Variants in LNP1 observed in about 807,000 individuals in gnomAD.
The protein encoded by LNP1 is leukemia NUP98 fusion partner 1.
In LNP1, 12 loss-of-function variants were observed where a neutral mutation model predicts 14.5. That is an observed-to-expected ratio of 0.83 (90% CI 0.53 to 1.34). The LOEUF (loss-of-function observed/expected upper bound fraction) is 1.34. LNP1 is among the 40% of genes most tolerant of loss of function. LNP1 has a pLI of 0.00. For synonymous variants in LNP1, 75 were observed against 71.4 expected (o/e 1.05, Z -0.26); for missense variants, 198 against 210.9 (o/e 0.94, Z 0.38).
intron 1 of LNP1, among the ~76,000 whole-genome samples, chr3:100,409,890 C>G (rs1336881038): frequency 1.3e-5 from 2 of 151,858 alleles, no homozygotes; most frequent in Admixed American, 1.3e-4. Context: ...CCACCACACC[C>G]AGCCTAAATA....
At chr3:100,409,038 G>T (rs1462125929) in intron 1 of LNP1, among the ~76,000 whole-genome samples, 2 of 152,176 alleles carry the variant, frequency 1.3e-5, no homozygotes, top group Non-Finnish European at 2.9e-5. Flanking sequence ...TCCTCTGTGA[G>T]AATGTTTTGG....
In LNP1 at chr3:100,434,014, T is replaced by C. The variant is rs150756522; in HGVS notation, c.156+4129T>C. ...CAAACATTTTCCCCCATTCCATAGGTTGTCTGTTCACTCTGATGATAGTTT... is the reference window on the plus strand; with the variant it reads ...CAAACATTTTCCCCCATTCCATAGGCTGTCTGTTCACTCTGATGATAGTTT... On this transcript the variant is annotated intron_variant, in intron 2 of 3. Coordinates refer to ENST00000383693, the MANE Select transcript of LNP1 (RefSeq NM_001085451.2). 6.1e-3 allele frequency among the ~76,000 whole-genome samples: 932 copies of C among 152,306 alleles called. 4 individuals carry two copies. Among genetic ancestry groups the C allele is most frequent in the South Asian group, 0.013 (62 of 4,830 alleles).
At chr3:100,432,700 C>G (rs1707253870) in intron 2 of LNP1, among the ~76,000 whole-genome samples, 2 of 152,184 alleles carry the variant, frequency 1.3e-5, no homozygotes, top group Non-Finnish European at 2.9e-5. Context: ...TCTCCAACAT[C>G]ATATGAATAC....
intron 3 of LNP1, among the ~76,000 whole-genome samples, chr3:100,452,397 G>A (rs116275001): frequency 0.011 from 1,704 of 151,614 alleles, 22 homozygotes; most frequent in African/African-American, 0.039. Flanking sequence ...TCTAGAGACA[G>A]GGTCTTGTTA....
intron 2 of LNP1, among the ~76,000 whole-genome samples, chr3:100,436,679 A>C (rs1403319549): frequency 6.6e-6 from 1 of 152,034 alleles, no homozygotes; most frequent in Non-Finnish European, 1.5e-5. Flanking sequence ...TGGTAATTTT[A>C]TATTGAACAT....
chr3:100,409,606 ATTTTTTT>A (rs201827312), intron 1 of LNP1, among the ~76,000 whole-genome samples: 3 of 124,466 alleles, frequency 2.4e-5, no homozygotes, highest in African/African-American at 6.4e-5. Context: ...ATATATATAT[ATTTTTTT>A]TTTTTTTGAG....
intron 1 of LNP1, among the ~76,000 whole-genome samples, chr3:100,426,825 T>C (rs1183370862): frequency 1.3e-5 from 2 of 152,198 alleles, no homozygotes; most frequent in East Asian, 3.8e-4. Context: ...ATTCTTCTAA[T>C]ACTTCTTATA....
chr3:100,429,077 T>TA (rs1404909691), intron 1 of LNP1, among the ~76,000 whole-genome samples: 2 of 152,236 alleles, frequency 1.3e-5, no homozygotes, highest in African/African-American at 4.8e-5. Flanking sequence ...GCTGTGCACT[T>TA]ATGATTTGTA....
At chr3:100,422,063 G>A (rs936211310) in intron 1 of LNP1, among the ~76,000 whole-genome samples, 2 of 152,086 alleles carry the variant, frequency 1.3e-5, no homozygotes, top group Non-Finnish European at 2.9e-5. Flanking sequence ...CTTATGGAGA[G>A]GCTTGTAGAT....
chr3:100,423,376 G>A (rs1386829284), intron 1 of LNP1, among the ~76,000 whole-genome samples: 1 of 152,120 alleles, frequency 6.6e-6, no homozygotes, highest in African/African-American at 2.4e-5. Context: ...AGGGAAAATC[G>A]GATGGGCGTG....
Position 100,429,673 on chromosome 3 carries a change from G to A in LNP1, c.-33-24G>A, listed in dbSNP as rs1707224734. 9.4e-6 allele frequency: 14 copies of A among 1,496,556 alleles called. No homozygotes were observed. The South Asian group carries it at 1.6e-4, about 17-fold the overall frequency. The allele number at this position is 1,496,556 out of a possible 1,614,324, so 92.7% of individuals were successfully genotyped here. On this transcript the variant is annotated intron_variant, in intron 1 of 3. Coordinates refer to ENST00000383693, the MANE Select transcript of LNP1 (RefSeq NM_001085451.2). ...GGTTTCATTGTCAGCCCTGTTGGGT[G>A]ATATTTCCCTCTGTCGCATTTAGGG... is the stretch of plus-strand genomic sequence containing the variant.
rs1035042421 is a variant in LNP1, at chr3:100,417,643, T to C, written c.-33-12054T>C. Among the ~76,000 whole-genome samples the C allele has an allele frequency of 2.6e-5, 4 of 152,262 alleles. No individual in the cohort carries two copies. In the South Asian group the frequency reaches 8.3e-4, roughly 32 times the overall value. ...ATCCACCCACCTTGGCCCTTCAAAATGCTGGGATTACAGACGTGAGACACC... is the reference window on the plus strand; with the variant it reads ...ATCCACCCACCTTGGCCCTTCAAAACGCTGGGATTACAGACGTGAGACACC... On this transcript the variant is annotated intron_variant, in intron 1 of 3. Transcript: ENST00000383693.
Position 100,429,827 on chromosome 3 carries a change from T to A in LNP1, c.98T>A (p.Leu33His), listed in dbSNP as rs778347870. The change falls in exon 2 of 4, where the codon CTC becomes CAC. Residue 33 changes from leucine to histidine, a missense_variant. By Grantham distance (99) the Leu-to-His change is moderately conservative. Transcript: ENST00000383693. ...HSWREEDQRGLRERHRLQATS... is the reference protein window; with the variant it reads ...HSWREEDQRGHRERHRLQATS... ...TGGAGAGAGGAGGATCAGAGAGGAC[T>A]CCGGGAACGCCACCGACTGCAAGCC... The A allele has an allele frequency of 1.2e-6, 2 of 1,613,882 alleles. No homozygotes were observed. The highest frequency in any genetic ancestry group is 1.7e-6 in the Non-Finnish European group (2 of 1,179,930).
At chr3:100,421,912 A>G (rs1398386598) in intron 1 of LNP1, among the ~76,000 whole-genome samples, 2 of 151,984 alleles carry the variant, frequency 1.3e-5, no homozygotes, top group East Asian at 1.9e-4. Context: ...TTTGCAATTT[A>G]TTTTCCTAAA....
intron 1 of LNP1, among the ~76,000 whole-genome samples, chr3:100,424,202 G>A (rs1707171907): frequency 6.6e-6 from 1 of 152,140 alleles, no homozygotes; most frequent in Non-Finnish European, 1.5e-5. Context: ...TGTTTTGGGA[G>A]AATTTTTGAT....
At chr3:100,433,762 C>G (rs1391282702) in intron 2 of LNP1, among the ~76,000 whole-genome samples, 1 of 152,178 alleles carries the variant, frequency 6.6e-6, no homozygotes, top group Non-Finnish European at 1.5e-5. Flanking sequence ...GCCATTCTGA[C>G]TGGTGTGAGA....
chr3:100,431,601 T>C (rs1042775865), intron 2 of LNP1, among the ~76,000 whole-genome samples: 1 of 151,990 alleles, frequency 6.6e-6, no homozygotes, highest in Non-Finnish European at 1.5e-5. Flanking sequence ...TGGAAAGTAG[T>C]TGGGGAGTCT....
At chr3:100,409,832 C>T (rs956769248) in intron 1 of LNP1, among the ~76,000 whole-genome samples, 61 of 151,320 alleles carry the variant, frequency 4.0e-4, no homozygotes, top group African/African-American at 1.3e-3. Context: ...TGACCTCAGG[C>T]GATCTACCCA....
intron 2 of LNP1, among the ~76,000 whole-genome samples, chr3:100,438,914 T>C (rs568341825): frequency 6.6e-6 from 1 of 152,328 alleles, no homozygotes; most frequent in African/African-American, 2.4e-5. Context: ...GTTTTAGGTC[T>C]TATTGGGGAA....
Sources: allele counts gnomAD v4.1 joint callset (sites outside exome capture counted in the v4.1 genomes callset), GRCh38; gene constraint gnomAD v4.1.1; transcripts MANE v1.5; gene names NCBI Gene and HGNC (gene_info 2026-07-23, HGNC 2026-07-21).